The following KLHL29 variants were observed in gnomAD, a reference collection of about 807,000 sequenced individuals.
KLHL29 encodes the protein kelch like family member 29.
Under a neutral mutation model 80.4 loss-of-function variants are expected in KLHL29, and 21 were observed. That is an observed-to-expected ratio of 0.26 (90% confidence interval 0.19 to 0.38). KLHL29 has a LOEUF of 0.38. Ranked by LOEUF, KLHL29 falls within the 10% of genes least tolerant of loss-of-function variation. KLHL29 has a pLI of 1.00. For missense variants in KLHL29, 867 were observed against 1,223.9 expected (o/e 0.71, Z 4.35); for synonymous variants, 511 against 526.8 (o/e 0.97, Z 0.41).
intron 1 of KLHL29, among the ~76,000 whole-genome samples, chr2:23,413,723 G>A (rs1328798961): frequency 6.6e-6 from 1 of 152,176 alleles, no homozygotes; most frequent in East Asian, 1.9e-4. Context: ...TTTCCCATTT[G>A]TTCCCTTTGT....
intron 1 of KLHL29, among the ~76,000 whole-genome samples, chr2:23,397,256 G>A (rs929673116): frequency 6.6e-6 from 1 of 152,246 alleles, no homozygotes; most frequent in Non-Finnish European, 1.5e-5. Context: ...GAGGGCTGTA[G>A]TGATGGCCCC....
chr2:23,699,777 C>T (rs954030154), intron 11 of KLHL29, among the ~76,000 whole-genome samples: 9 of 152,200 alleles, frequency 5.9e-5, no homozygotes, highest in African/African-American at 2.2e-4. Flanking sequence ...GGGAAGGCCC[C>T]CATCCTCTAC....
chr2:23,422,350 G>A (rs1419383777), intron 1 of KLHL29, among the ~76,000 whole-genome samples: 1 of 150,098 alleles, frequency 6.7e-6, no homozygotes, highest in Non-Finnish European at 1.5e-5. Flanking sequence ...ATGTCTTTGT[G>A]TGTTGTGTTT....
chr2:23,458,170 C>G (rs534972788), intron 1 of KLHL29, among the ~76,000 whole-genome samples: 1 of 152,216 alleles, frequency 6.6e-6, no homozygotes, highest in Non-Finnish European at 1.5e-5. Flanking sequence ...ACTTACTCAG[C>G]AGACACCAGG....
chr2:23,435,862 A>C (rs1407363215), intron 1 of KLHL29, among the ~76,000 whole-genome samples: 1 of 149,618 alleles, frequency 6.7e-6, no homozygotes, highest in Non-Finnish European at 1.5e-5. Flanking sequence ...TGTTGTGCTT[A>C]GCTAGTTCTG....
chr2:23,536,938 GCTCT>G (rs961764440), intron 2 of KLHL29, among the ~76,000 whole-genome samples: 191 of 87,574 alleles, frequency 2.2e-3, no homozygotes, highest in African/African-American at 2.8e-3. Context: ...TCCCTCTCTC[GCTCT>G]CTCTCTCTCC....
intron 1 of KLHL29, among the ~76,000 whole-genome samples, chr2:23,445,159 G>A (rs181931690): frequency 1.1e-3 from 171 of 152,282 alleles, no homozygotes; most frequent in African/African-American, 3.8e-3. Context: ...ATTAAGTGAA[G>A]ACTTTATATA....
At chr2:23,661,871 G>T (rs1229373045) in intron 5 of KLHL29, among the ~76,000 whole-genome samples, 1 of 152,266 alleles carries the variant, frequency 6.6e-6, no homozygotes, top group African/African-American at 2.4e-5. Flanking sequence ...AACGGTGCCT[G>T]CCCTTGTATA....
chr2:23,601,960 G>A (rs1475466327), intron 3 of KLHL29, among the ~76,000 whole-genome samples: 3 of 152,186 alleles, frequency 2.0e-5, no homozygotes, highest in Non-Finnish European at 2.9e-5. Context: ...GGACACTCTT[G>A]GGGCTCTGGA....
In KLHL29 at chr2:23,597,132, A is replaced by G. The variant is rs573146191; in HGVS notation, c.285+34651A>G. Among the ~76,000 whole-genome samples, 3 of 151,988 alleles carry G rather than the reference A, an allele frequency of 2.0e-5. No individual in the cohort carries two copies. In the South Asian group the frequency reaches 6.3e-4, roughly 32 times the overall value. ...GAAGACTGTCTTTTAAAAAGGTACAATTAGGCAGGCATTTGCTTATCATTT... is the reference window on the plus strand; with the variant it reads ...GAAGACTGTCTTTTAAAAAGGTACAGTTAGGCAGGCATTTGCTTATCATTT... On this transcript the variant is annotated intron_variant, in intron 3 of 13. Transcript: ENST00000486442.
Position 23,481,993 on chromosome 2 carries a change from G to T in KLHL29, c.-46+6326G>T, listed in dbSNP as rs543658130. The stretch of plus-strand genomic sequence containing the variant: ...GGGAGATCAGAGATGGCTAACGATG[G>T]TCACCAAAGCGCCACCCAGTTCAGG... On this transcript the variant is annotated intron_variant, in intron 2 of 13. Transcript: ENST00000486442. Among the ~76,000 whole-genome samples the T allele has an allele frequency of 5.9e-5, 9 of 152,232 alleles. No homozygotes were observed. The South Asian group carries it at 1.9e-3, about 32-fold the overall frequency.
intron 2 of KLHL29, among the ~76,000 whole-genome samples, chr2:23,493,316 C>CT (rs1204839394): frequency 2.0e-5 from 3 of 152,096 alleles, no homozygotes; most frequent in African/African-American, 7.2e-5. Context: ...CCAATAGCAG[C>CT]TTTATCTAAT....
At chr2:23,621,821 C>A (rs912060101) in intron 3 of KLHL29, among the ~76,000 whole-genome samples, 4 of 152,170 alleles carry the variant, frequency 2.6e-5, no homozygotes, top group African/African-American at 9.7e-5. Flanking sequence ...TCCAGCATAC[C>A]CTCCTCCCTG....
chr2:23,448,672 A>G (rs564977426), intron 1 of KLHL29, among the ~76,000 whole-genome samples: 4 of 152,086 alleles, frequency 2.6e-5, no homozygotes, highest in Non-Finnish European at 4.4e-5. Context: ...CACCCACTCA[A>G]CCACCTTCTG....
chr2:23,591,467 C>A (rs1256860828), intron 3 of KLHL29, among the ~76,000 whole-genome samples: 1 of 151,386 alleles, frequency 6.6e-6, no homozygotes, highest in African/African-American at 2.4e-5. Context: ...CACATCTCAG[C>A]CTCCCCCTGG....
chr2:23,650,322 T>G (rs901825663), intron 5 of KLHL29, among the ~76,000 whole-genome samples: 1 of 151,930 alleles, frequency 6.6e-6, no homozygotes, highest in African/African-American at 2.4e-5. Flanking sequence ...CACAGAATTA[T>G]GATTTTCCAA....
chr2:23,577,748 CAAAAAA>C (rs374208423), intron 3 of KLHL29, among the ~76,000 whole-genome samples: 1 of 118,350 alleles, frequency 8.4e-6, no homozygotes, highest in East Asian at 2.4e-4. Flanking sequence ...AACTTCATCT[CAAAAAA>C]AAAAAAAAGA....
intron 3 of KLHL29, among the ~76,000 whole-genome samples, chr2:23,566,425 T>C (rs1667590858): frequency 6.6e-6 from 1 of 152,186 alleles, no homozygotes; most frequent in Non-Finnish European, 1.5e-5. Context: ...CTGGGCCAGC[T>C]CCTCTTCCCA....
At chr2:23,654,122 G>A (rs149352165) in intron 5 of KLHL29, among the ~76,000 whole-genome samples, 20 of 152,026 alleles carry the variant, frequency 1.3e-4, no homozygotes, top group East Asian at 7.8e-4. Context: ...AGCCAAGATC[G>A]CACCACTGCA....
Sources: allele counts gnomAD v4.1 joint callset (sites outside exome capture counted in the v4.1 genomes callset), GRCh38; gene constraint gnomAD v4.1.1; transcripts MANE v1.5; gene names NCBI Gene and HGNC (gene_info 2026-07-23, HGNC 2026-07-21).